The following LIPC variants were observed in gnomAD, a reference collection of about 807,000 sequenced individuals.
LIPC encodes the protein lipase C, hepatic type, also known as hepatic triacylglycerol lipase.
A neutral mutation model predicts 50.7 loss-of-function variants in LIPC; 44 were observed. The observed-to-expected ratio is 0.87, with a 90% CI of 0.68 to 1.11. LIPC has a LOEUF of 1.11. Among genes scored for constraint, LIPC ranks in the 50% most tolerant of loss-of-function variants. The pLI is 0.00. For synonymous variants in LIPC, 271 were observed against 256.4 expected, an observed-to-expected ratio of 1.06 and a Z score of -0.54; for missense variants, 697 against 648.2, an observed-to-expected ratio of 1.08 and a Z score of -0.82.
At chr15:58,554,005 A>T (rs1893848926) in intron 6 of LIPC, among the ~76,000 whole-genome samples, 1 of 152,190 alleles carries the variant, frequency 6.6e-6, no homozygotes, top group Non-Finnish European at 1.5e-5. Flanking sequence ...GGGGAAAAAA[A>T]AAAAGCCCTC....
intron 1 of LIPC, among the ~76,000 whole-genome samples, chr15:58,519,537 T>C (rs1892590292): frequency 6.6e-6 from 1 of 151,822 alleles, no homozygotes; most frequent in Admixed American, 6.6e-5. Flanking sequence ...GAACACAGAG[T>C]GTATATGTAA....
At chr15:58,525,053 T>C (rs1229703628) in intron 1 of LIPC, among the ~76,000 whole-genome samples, 1 of 152,234 alleles carries the variant, frequency 6.6e-6, no homozygotes, top group African/African-American at 2.4e-5. Context: ...TGATTCCTGT[T>C]ATTTCATTTA....
At chr15:58,541,207 C>A (rs1049496929) in intron 2 of LIPC, among the ~76,000 whole-genome samples, 4 of 152,090 alleles carry the variant, frequency 2.6e-5, no homozygotes, top group Admixed American at 6.6e-5. Flanking sequence ...GGTTCTCAAA[C>A]AAGGCACACA....
At chr15:58,540,855 G>A (rs900957055) in intron 2 of LIPC, among the ~76,000 whole-genome samples, 1 of 152,168 alleles carries the variant, frequency 6.6e-6, no homozygotes, top group South Asian at 2.1e-4. Flanking sequence ...CCAGGCTGGA[G>A]GGCAGTGTGA....
At chr15:58,548,267 T>G in intron 5 of LIPC, 63 bp from the exon 6 acceptor site, 1 of 1,612,068 alleles carries the variant, frequency 6.2e-7, no homozygotes, top group East Asian at 2.2e-5. Context: ...ACCAAGGTGA[T>G]CCTCTGAGTT....
chr15:58,487,018 A>G (rs1207632474), intron 1 of LIPC, among the ~76,000 whole-genome samples: 3 of 152,164 alleles, frequency 2.0e-5, no homozygotes, highest in Non-Finnish European at 2.9e-5. Context: ...TGTACCTCAC[A>G]CTGTGCTAGG....
At chr15:58,495,335 C>G (rs1352968840) in intron 1 of LIPC, among the ~76,000 whole-genome samples, 2 of 152,216 alleles carry the variant, frequency 1.3e-5, no homozygotes, top group Non-Finnish European at 1.5e-5. Flanking sequence ...CCCTGCAGCT[C>G]CCTGCCAAAA....
chr15:58,453,725 A>T (rs1472174925), intron 1 of LIPC, among the ~76,000 whole-genome samples: 1 of 151,898 alleles, frequency 6.6e-6, no homozygotes, highest in Non-Finnish European at 1.5e-5. Flanking sequence ...ATATGGTGAA[A>T]TCCCAACTAC....
chr15:58,487,384 A>T (rs1891415708), intron 1 of LIPC, among the ~76,000 whole-genome samples: 2 of 152,220 alleles, frequency 1.3e-5, no homozygotes, highest in African/African-American at 4.8e-5. Context: ...CTTGGTACAA[A>T]GTAAGCGCTC....
At chr15:58,565,618 A>C in intron 8 of LIPC, 3 of 1,071,484 alleles carry the variant, frequency 2.8e-6, no homozygotes, top group South Asian at 8.6e-5. Context: ...GACATTGCTC[A>C]AAATTGTCCC....
chr15:58,481,203 C>T (rs117987105), intron 1 of LIPC, among the ~76,000 whole-genome samples: 2 of 152,318 alleles, frequency 1.3e-5, no homozygotes, highest in African/African-American at 2.4e-5. Flanking sequence ...CTGATATCCT[C>T]ATGACTTGTG....
intron 1 of LIPC, among the ~76,000 whole-genome samples, chr15:58,482,556 A>T (rs541324371): frequency 6.6e-6 from 1 of 152,234 alleles, no homozygotes; most frequent in Non-Finnish European, 1.5e-5. Flanking sequence ...GGTAAGAAAC[A>T]GTCCATGAAA....
intron 1 of LIPC, among the ~76,000 whole-genome samples, chr15:58,516,237 C>CTTT (rs11351202): frequency 0.016 from 740 of 44,982 alleles, 10 homozygotes; most frequent in Middle Eastern, 0.024. Context: ...CCTCTAGCTT[C>CTTT]TTTTTTTTTT....
At chr15:58,568,057 T>C (rs1412244965) in intron 8 of LIPC, among the ~76,000 whole-genome samples, 1 of 152,208 alleles carries the variant, frequency 6.6e-6, no homozygotes, top group African/African-American at 2.4e-5. Context: ...TCTACAGATA[T>C]ATCTATAGAT....
chr15:58,557,534 A>G (rs1428033340), intron 6 of LIPC, among the ~76,000 whole-genome samples: 2 of 151,388 alleles, frequency 1.3e-5, no homozygotes, highest in Non-Finnish European at 2.9e-5. Flanking sequence ...ACAGGCACCC[A>G]CCACCACGCC....
At chr15:58,556,617 G>A (rs1893965210) in intron 6 of LIPC, among the ~76,000 whole-genome samples, 1 of 152,196 alleles carries the variant, frequency 6.6e-6, no homozygotes, top group African/African-American at 2.4e-5. Flanking sequence ...ATACTAGACA[G>A]TTTCGTAGCC....
intron 1 of LIPC, among the ~76,000 whole-genome samples, chr15:58,461,915 G>A (rs537061610): frequency 6.0e-5 from 9 of 149,254 alleles, no homozygotes; most frequent in South Asian, 2.1e-4. Context: ...CACCTGCCTC[G>A]TGCTGTCCCC....
intron 1 of LIPC, among the ~76,000 whole-genome samples, chr15:58,499,034 C>G (rs1595899573): frequency 1.3e-5 from 2 of 152,166 alleles, no homozygotes; most frequent in Non-Finnish European, 2.9e-5. Context: ...TGGAAAAGCA[C>G]GTGTCAGGCA....
At chr15:58,565,762 G>A in intron 8 of LIPC, 3 of 989,366 alleles carry the variant, frequency 3.0e-6, no homozygotes, top group Non-Finnish European at 3.6e-6. Flanking sequence ...CAGAGTTGCA[G>A]TGCTGGACAT....
Sources: allele counts gnomAD v4.1 joint callset (sites outside exome capture counted in the v4.1 genomes callset), GRCh38; gene constraint gnomAD v4.1.1; transcripts MANE v1.5; gene names NCBI Gene and HGNC (gene_info 2026-07-23, HGNC 2026-07-21).